Variants in RPS6KA5 observed in about 807,000 individuals in gnomAD.
RPS6KA5 encodes the protein ribosomal protein S6 kinase A5, also known as ribosomal protein S6 kinase alpha-5.
A neutral mutation model predicts 85.5 loss-of-function variants in RPS6KA5; 27 were observed. The observed-to-expected ratio is 0.32, with a 90% CI of 0.23 to 0.44. RPS6KA5 has a LOEUF of 0.44. Among genes scored for constraint, RPS6KA5 ranks in the 20% least tolerant of loss-of-function variants. RPS6KA5 has a pLI of 1.00. For missense variants in RPS6KA5, 811 were observed against 980.9 expected (o/e 0.83, Z 2.31); for synonymous variants, 334 against 348.2 (o/e 0.96, Z 0.46).
rs1358811581 is a variant in RPS6KA5 at position 90,860,198 on chromosome 14, C to T, written c.*11876G>A. ...CCTTCAAAGGAAATATAACTAATGGCTTTTTCCACAGAACTTAAGGATTGG... is the reference window on the plus strand; with the variant it reads ...CCTTCAAAGGAAATATAACTAATGGTTTTTTCCACAGAACTTAAGGATTGG... On this transcript the variant is annotated 3_prime_UTR_variant, in exon 17 of 17. Transcript: ENST00000614987. 4.6e-5 allele frequency: 7 copies of T among 152,154 alleles called. No homozygotes were observed. The highest frequency in any genetic ancestry group is 1.7e-4 in the African/African-American group (7 of 41,424). 9.4% of individuals were successfully genotyped at this position (152,154 alleles called of 1,614,324 possible).
chr14:91,060,165 C>T (rs1373444656), intron 1 of RPS6KA5, 167 bp downstream of exon 1: 32 of 978,264 alleles, frequency 3.3e-5, no homozygotes, highest in Non-Finnish European at 3.6e-5. Context: ...CGCGCCCCCA[C>T]CTCCCGGGAC....
rs753114793 is a variant in RPS6KA5 at position 90,867,472 on chromosome 14, T to C, written c.*4602A>G. 6.6e-6 allele frequency: 1 copy of C among 152,174 alleles called. No individual in the cohort carries two copies. The highest frequency in any genetic ancestry group is 2.4e-5 in the African/African-American group (1 of 41,452). 9.4% of individuals were successfully genotyped at this position (152,174 alleles called of 1,614,324 possible). On this transcript the variant is annotated 3_prime_UTR_variant, in exon 17 of 17. Transcript: ENST00000614987. ...CCTGTGCTCTGAAGAACAGCTGCTA[T>C]ACTAAATACTAACTTGACTTATCTG...
intron 1 of RPS6KA5, among the ~76,000 whole-genome samples, chr14:91,035,738 A>C (rs1346007737): frequency 6.6e-6 from 1 of 151,992 alleles, no homozygotes; most frequent in East Asian, 1.9e-4. Flanking sequence ...TTTTAAGTAG[A>C]AAATGAAGAG....
chr14:90,935,308 G>A (rs796329876), intron 5 of RPS6KA5, among the ~76,000 whole-genome samples: 20 of 123,228 alleles, frequency 1.6e-4, no homozygotes, highest in African/African-American at 7.6e-4. Context: ...AGAAAATAAA[G>A]AGAATAATTT....
chr14:91,058,277 A>G (rs1461342929), intron 1 of RPS6KA5, among the ~76,000 whole-genome samples: 4 of 152,226 alleles, frequency 2.6e-5, no homozygotes, highest in Non-Finnish European at 5.9e-5. Context: ...AATTCAGTAT[A>G]ATCTCACCAT....
intron 7 of RPS6KA5, among the ~76,000 whole-genome samples, chr14:90,908,330 C>T (rs1007936215): frequency 6.6e-6 from 1 of 152,166 alleles, no homozygotes; most frequent in Non-Finnish European, 1.5e-5. Context: ...GAAAGCATGT[C>T]GGCGGAAAAC....
chr14:90,990,487 A>G (rs973998445), intron 2 of RPS6KA5, among the ~76,000 whole-genome samples: 4 of 152,200 alleles, frequency 2.6e-5, no homozygotes, highest in African/African-American at 9.7e-5. Flanking sequence ...AAAGAACTTA[A>G]AACAGAAATA....
intron 2 of RPS6KA5, 42 bp downstream of exon 2, chr14:91,001,046 G>A: frequency 2.7e-6 from 3 of 1,101,678 alleles, no homozygotes; most frequent in Middle Eastern, 4.1e-4. Context: ...GGAATAATAA[G>A]TACTTTTTTT....
intron 7 of RPS6KA5, among the ~76,000 whole-genome samples, chr14:90,909,298 T>A (rs1007046365): frequency 1.3e-5 from 2 of 152,308 alleles, no homozygotes; most frequent in African/African-American, 2.4e-5. Context: ...ATTGGTAATA[T>A]CCCAAAGTTA....
At chr14:91,057,577 C>T (rs1446609337) in intron 1 of RPS6KA5, among the ~76,000 whole-genome samples, 1 of 152,132 alleles carries the variant, frequency 6.6e-6, no homozygotes, top group Non-Finnish European at 1.5e-5. Flanking sequence ...TGAGCAGCCG[C>T]AAAGATTATG....
chr14:90,985,117 A>G (rs1378738669), intron 2 of RPS6KA5, among the ~76,000 whole-genome samples: 1 of 151,880 alleles, frequency 6.6e-6, no homozygotes, highest in South Asian at 2.1e-4. Context: ...AATTTTTTGT[A>G]TTTTTAGTAG....
chr14:90,955,895 A>G (rs1878300292), intron 3 of RPS6KA5, among the ~76,000 whole-genome samples: 3 of 151,988 alleles, frequency 2.0e-5, no homozygotes, highest in Admixed American at 2.0e-4. Flanking sequence ...GTTGTTAGGT[A>G]CATCCACGTT....
intron 2 of RPS6KA5, among the ~76,000 whole-genome samples, chr14:90,982,221 G>T (rs989833772): frequency 2.0e-5 from 3 of 151,574 alleles, no homozygotes; most frequent in Non-Finnish European, 2.9e-5. Context: ...CATTATTAGA[G>T]TAATCTTATT....
rs562512999 is a variant in RPS6KA5, at chr14:91,032,165, C to CATGACCAA, written c.103+28166_103+28167insTTGGTCAT. The stretch of plus-strand genomic sequence containing the variant: ...ATGTGATACCATGTGACCAAAAATT[C>CATGACCAA]AACATACAGAAAAGTCTAGTAAAGA... On this transcript the variant is annotated intron_variant, in intron 1 of 16. Transcript: ENST00000614987. Among the ~76,000 whole-genome samples, 100 of 152,238 alleles carry CATGACCAA rather than the reference C, an allele frequency of 6.6e-4. 2 individuals carry two copies. In the East Asian group the frequency reaches 0.017, roughly 26 times the overall value.
At chr14:90,911,037 C>G (rs1035030949) in intron 7 of RPS6KA5, among the ~76,000 whole-genome samples, 9 of 152,270 alleles carry the variant, frequency 5.9e-5, no homozygotes, top group African/African-American at 1.9e-4. Context: ...TTCAGAGAAG[C>G]TTGCTCTAAC....
rs2038746654 is a variant in RPS6KA5 at position 90,960,577 on chromosome 14, T to G, written c.395-13027A>C. Among the ~76,000 whole-genome samples, 5 of 152,204 alleles carry G rather than the reference T, an allele frequency of 3.3e-5. No individual in the cohort carries two copies. The South Asian group carries it at 1.0e-3, about 32-fold the overall frequency. On this transcript the variant is annotated intron_variant, in intron 3 of 16. Coordinates refer to ENST00000614987, the MANE Select transcript of RPS6KA5 (RefSeq NM_004755.4). Reference sequence around the variant, plus strand: ...CAGCCCCTTTTCAACTGGGCATAAATTACATTTCCTCATATAAAATACATA... The same window carrying G: ...CAGCCCCTTTTCAACTGGGCATAAAGTACATTTCCTCATATAAAATACATA...
In RPS6KA5 at chr14:90,869,474, T is replaced by A. The variant is rs1169775857; in HGVS notation, c.*2600A>T. On this transcript the variant is annotated 3_prime_UTR_variant, in exon 17 of 17. Transcript: ENST00000614987. ...ATTTGTCATATACAGTTACAAAATA[T>A]ATGAATCAGGATTTATGTTGGCATG... The A allele has an allele frequency of 6.6e-6, 1 of 152,180 alleles. No homozygotes were observed. The highest frequency in any genetic ancestry group is 1.5e-5 in the Non-Finnish European group (1 of 68,032). 9.4% of individuals were successfully genotyped at this position (152,180 alleles called of 1,614,324 possible).
chr14:90,982,795 A>G (rs1011166040), intron 2 of RPS6KA5, among the ~76,000 whole-genome samples: 1 of 152,080 alleles, frequency 6.6e-6, no homozygotes, highest in Non-Finnish European at 1.5e-5. Context: ...CCTCACCAAC[A>G]TGGTGAAACC....
intron 3 of RPS6KA5, among the ~76,000 whole-genome samples, chr14:90,953,726 G>A (rs2038349016): frequency 1.3e-5 from 2 of 152,152 alleles, no homozygotes; most frequent in East Asian, 1.9e-4. Context: ...TTATGCAGTT[G>A]AGATAAGGAC....
Sources: gnomAD v4.1 joint callset for allele counts (sites outside exome capture counted in the v4.1 genomes callset) on GRCh38, gnomAD v4.1.1 for gene constraint, MANE v1.5 for transcripts, NCBI Gene and HGNC (gene_info 2026-07-23, HGNC 2026-07-21) for gene names.